The following KDSR variants were observed in gnomAD, a reference collection of about 807,000 sequenced individuals.
KDSR encodes 3-dehydrosphinganine reductase.
In KDSR, 23 loss-of-function variants were observed where a neutral mutation model predicts 41.3. That is an observed-to-expected ratio of 0.56 (90% CI 0.40 to 0.79). The LOEUF (loss-of-function observed/expected upper bound fraction) is 0.79. Among genes scored for constraint, KDSR ranks in the 30% least tolerant of loss-of-function variants. The pLI is 0.00. For synonymous variants in KDSR, 138 were observed against 151.7 expected (o/e 0.91, Z 0.66); for missense variants, 351 against 416.8 (o/e 0.84, Z 1.37).
intron 4 of KDSR, 98 bp downstream of exon 4, chr18:63,355,400 A>G (rs1193518777): frequency 1.9e-6 from 3 of 1,607,146 alleles, no homozygotes; most frequent in Non-Finnish European, 1.7e-6. Flanking sequence ...TATTAAACCT[A>G]TAGAGAAGTT....
rs1599326103 is a variant in KDSR, at chr18:63,342,526, G to C, written c.693+1884C>G. ...CAAAAGGAGAATCTCAGTTCTGTTT[G>C]AATCTGGGACTGAATTAGTTATAGA... On this transcript the variant is annotated intron_variant, in intron 7 of 9. Coordinates refer to ENST00000645214, the MANE Select transcript of KDSR (RefSeq NM_002035.4). Among the ~76,000 whole-genome samples, 3 of 152,320 alleles carry C rather than the reference G, an allele frequency of 2.0e-5. No homozygotes were observed. In the Middle Eastern group the frequency reaches 0.01, roughly 522 times the overall value.
Position 63,330,316 on chromosome 18 carries a change from C to T in KDSR, c.*1466G>A, listed in dbSNP as rs112172911. The T allele has an allele frequency of 9.1e-6, 2 of 220,882 alleles. No individual in the cohort carries two copies. Among genetic ancestry groups the T allele is most frequent in the Non-Finnish European group, 9.0e-6 (1 of 110,530 alleles). 13.7% of individuals were successfully genotyped at this position (220,882 alleles called of 1,614,324 possible). ...ACCGAAGTGATCTGGAATGTGCTACCGTATATGCAAGGAAGACAGGTTACA... is the reference window on the plus strand; with the variant it reads ...ACCGAAGTGATCTGGAATGTGCTACTGTATATGCAAGGAAGACAGGTTACA... On this transcript the variant is annotated 3_prime_UTR_variant, in exon 10 of 10. Transcript: ENST00000645214.
At chr18:63,335,196 T>G in intron 9 of KDSR, 61 bp downstream of exon 9, 2 of 1,086,080 alleles carry the variant, frequency 1.8e-6, no homozygotes, top group South Asian at 2.6e-5. Flanking sequence ...CAAGGTTTGA[T>G]GAAAGGCAGT....
Position 63,328,189 on chromosome 18 carries a change from T to G in KDSR, c.*3593A>C, listed in dbSNP as rs140788289. 2.1e-3 allele frequency: 383 copies of G among 183,340 alleles called. 1 individual carries two copies. Among genetic ancestry groups the G allele is most frequent in the African/African-American group, 8.3e-3 (353 of 42,638 alleles). 11.4% of individuals were successfully genotyped at this position (183,340 alleles called of 1,614,324 possible). A position where few individuals can be genotyped will look rare whatever the true frequency, so the allele number is the denominator to read the frequency against. ...ATGTTTATGTAATTTAGCAAAAATATATATATAATTGCTTTCTTCTAGAAA... is the reference window on the plus strand; with the variant it reads ...ATGTTTATGTAATTTAGCAAAAATAGATATATAATTGCTTTCTTCTAGAAA... On this transcript the variant is annotated 3_prime_UTR_variant, in exon 10 of 10. Coordinates refer to ENST00000645214, the MANE Select transcript of KDSR (RefSeq NM_002035.4).
At chr18:63,353,830 G>T (rs191515189) in intron 5 of KDSR, among the ~76,000 whole-genome samples, 2 of 152,230 alleles carry the variant, frequency 1.3e-5, no homozygotes, top group Non-Finnish European at 2.9e-5. Flanking sequence ...GCAGGGATGG[G>T]GAGCAACTGC....
At chr18:63,365,469 C>T (rs1915107649) in intron 1 of KDSR, among the ~76,000 whole-genome samples, 1 of 152,200 alleles carries the variant, frequency 6.6e-6, no homozygotes, top group Admixed American at 6.5e-5. Flanking sequence ...TCATGTCATT[C>T]TCACATTACT....
intron 1 of KDSR, among the ~76,000 whole-genome samples, chr18:63,365,165 G>T (rs1263769415): frequency 1.3e-5 from 2 of 152,252 alleles, no homozygotes; most frequent in Non-Finnish European, 2.9e-5. Context: ...CGGGCGCGAT[G>T]GCTCGCGCCT....
chr18:63,332,484 C>T (rs886894633), intron 9 of KDSR, among the ~76,000 whole-genome samples: 1 of 152,156 alleles, frequency 6.6e-6, no homozygotes, highest in Non-Finnish European at 1.5e-5. Context: ...GATTCTCCTG[C>T]CTCATCCTCC....
At chr18:63,357,464 C>G (rs771158995) in intron 3 of KDSR, among the ~76,000 whole-genome samples, 1 of 141,584 alleles carries the variant, frequency 7.1e-6, no homozygotes, top group East Asian at 2.0e-4. Flanking sequence ...TAGAATACTA[C>G]GCAGCAGTAA....
intron 5 of KDSR, among the ~76,000 whole-genome samples, chr18:63,351,769 T>C (rs973975227): frequency 2.0e-5 from 3 of 152,076 alleles, no homozygotes; most frequent in Non-Finnish European, 4.4e-5. Flanking sequence ...TATTTATTTA[T>C]TTTTTGCTTT....
rs1372803284 is a variant in KDSR at position 63,338,884 on chromosome 18, C to T, written c.694-1G>A. On this transcript the variant is annotated splice_acceptor_variant, in intron 7 of 9. Coordinates refer to ENST00000645214, the MANE Select transcript of KDSR (RefSeq NM_002035.4). LOFTEE classifies it high-confidence loss of function. ...CTGAAATAAGTCGAGTCTCCAAAGG[C>T]TAAAAGTGGAAAAACATGTACATAA... 7 of 1,591,868 alleles carry T rather than the reference C, an allele frequency of 4.4e-6. No individual in the cohort carries two copies. Among genetic ancestry groups the T allele is most frequent in the Non-Finnish European group, 5.1e-6 (6 of 1,169,122 alleles).
At chr18:63,364,820 TTGTAA>T (rs1321624138) in intron 1 of KDSR, among the ~76,000 whole-genome samples, 5 of 152,234 alleles carry the variant, frequency 3.3e-5, no homozygotes, top group African/African-American at 1.2e-4. Context: ...AAAAATTATA[TTGTAA>T]TGTCTTATTT....
At chr18:63,340,884 C>A (rs139918627) in intron 7 of KDSR, among the ~76,000 whole-genome samples, 30 of 152,290 alleles carry the variant, frequency 2.0e-4, no homozygotes, top group African/African-American at 6.7e-4. Context: ...GTGGTGAGCT[C>A]CCCAGCCCTC....
Position 63,357,594 on chromosome 18 carries a change from A to ATTTTTTT in KDSR, c.256-2038_256-2032dup, listed in dbSNP as rs1230632686. Among the ~76,000 whole-genome samples the ATTTTTTT allele has an allele frequency of 2.2e-3, 268 of 120,748 alleles. 1 individual carries two copies. The highest frequency in any genetic ancestry group is 7.9e-3 in the African/African-American group (247 of 31,166). The allele number at this position is 120,748 out of a possible 152,430, so 79.2% of individuals were successfully genotyped here. A position where few individuals can be genotyped will look rare whatever the true frequency, so the allele number is the denominator to read the frequency against. On this transcript the variant is annotated intron_variant, in intron 3 of 9. Transcript: ENST00000645214. Reference sequence around the variant, plus strand: ...TACATATATATATATATATATATATATTTTTTTTTGAGATGGAGTCTCCCT... The same window carrying ATTTTTTT: ...TACATATATATATATATATATATATATTTTTTTTTTTTTTTTGAGATGGAGTCTCCCT...
chr18:63,355,523 T>C lies in KDSR; in HGVS notation c.296A>G (p.Asn99Ser). Residue 99 changes from asparagine to serine, a missense_variant, in exon 4 of 10, where the codon AAC becomes AGC. By Grantham distance (46) the Asn-to-Ser change is conservative. Transcript: ENST00000645214. ...CISVDVSQDY[N>S]QVENVIKQAQ... The stretch of plus-strand genomic sequence containing the variant: ...TTGTTTTATGACATTCTCTACTTGG[T>C]TATAGTCTTGAGATACATCAACTGA... The C allele has an allele frequency of 6.2e-7, 1 of 1,609,240 alleles. No homozygotes were observed.
intron 2 of KDSR, among the ~76,000 whole-genome samples, chr18:63,360,507 A>G (rs566969099): frequency 6.6e-6 from 1 of 152,364 alleles, no homozygotes; most frequent in South Asian, 2.1e-4. Context: ...ATATGTCTAT[A>G]ATGAAATAAT....
chr18:63,355,397 C>G, intron 4 of KDSR, 98 bp from the exon 5 acceptor site: 1 of 1,606,282 alleles, frequency 6.2e-7, no homozygotes, highest in Non-Finnish European at 8.5e-7. Context: ...AACTATTAAA[C>G]CTATAGAGAA....
intron 6 of KDSR, among the ~76,000 whole-genome samples, chr18:63,349,677 A>AT (rs1445266511): frequency 5.3e-5 from 8 of 152,250 alleles, no homozygotes; most frequent in Non-Finnish European, 1.0e-4. Flanking sequence ...CGCTCGTCCC[A>AT]TATCTCACCA....
chr18:63,347,003 TC>T (rs1914524026), intron 6 of KDSR, among the ~76,000 whole-genome samples: 1 of 152,048 alleles, frequency 6.6e-6, no homozygotes, highest in African/African-American at 2.4e-5. Flanking sequence ...CAATGCTAGC[TC>T]CCTGAGATCA....
Sources: gnomAD v4.1 joint callset for allele counts (sites outside exome capture counted in the v4.1 genomes callset) on GRCh38, gnomAD v4.1.1 for gene constraint, MANE v1.5 for transcripts, NCBI Gene and HGNC (gene_info 2026-07-23, HGNC 2026-07-21) for gene names.